TRMT9B: variants seen among roughly 807,000 people sequenced by gnomAD.
TRMT9B encodes probable tRNA methyltransferase 9B.
Under a neutral mutation model 11.5 loss-of-function variants are expected in TRMT9B, and 16 were observed. The ratio of observed to expected loss-of-function variants is 1.39; its 90% confidence interval spans 0.94 to 2.11. The LOEUF is 2.11. Among genes scored for constraint, TRMT9B ranks in the 30% most tolerant of loss-of-function variants. The pLI, the probability that TRMT9B is intolerant of heterozygous loss-of-function variation, is 0.00. For synonymous variants in TRMT9B, 274 were observed against 192.4 expected (o/e 1.42, Z -3.51); for missense variants, 941 against 553.8 (o/e 1.70, Z -7.02).
chr8:13,021,860 C>G lies in TRMT9B; in HGVS notation c.1181C>G (p.Ser394Cys), dbSNP rs1813996134. 2 of 1,613,752 alleles carry G rather than the reference C, an allele frequency of 1.2e-6. No homozygotes were observed. The highest frequency in any genetic ancestry group is 1.7e-6 in the Non-Finnish European group (2 of 1,179,860). Residue 394 changes from serine to cysteine, a missense_variant, in exon 5 of 5, where the codon TCT becomes TGT. Ser to Cys is a moderately radical substitution (Grantham distance 112). Coordinates refer to ENST00000524591, the MANE Select transcript of TRMT9B (RefSeq NM_020844.3). ...GATTTCAACCCAGATGATACAATGT[C>G]TGTCGAAGATCCACAGACTGATGTT... is the stretch of plus-strand genomic sequence containing the variant. ...STDFNPDDTM[S>C]VEDPQTDVLD...
chr8:13,018,317 A>G (rs918104355), intron 4 of TRMT9B, among the ~76,000 whole-genome samples: 3 of 148,716 alleles, frequency 2.0e-5, no homozygotes, highest in Non-Finnish European at 4.5e-5. Context: ...GAGGAGAATC[A>G]CCTGAACTCA....
chr8:12,952,300 G>A (rs753309181), intron 1 of TRMT9B: 6 of 371,644 alleles, frequency 1.6e-5, no homozygotes, highest in East Asian at 2.1e-4. Flanking sequence ...AGGGAGGAGG[G>A]GGCGCGACAG....
intron 4 of TRMT9B, among the ~76,000 whole-genome samples, chr8:13,016,998 C>A (rs1470757322): frequency 6.6e-6 from 1 of 151,358 alleles, no homozygotes; most frequent in African/African-American, 2.4e-5. Context: ...GTAGTGCATG[C>A]CTGTAATCTC....
At chr8:13,003,689 C>A (rs538835603) in intron 2 of TRMT9B, among the ~76,000 whole-genome samples, 1 of 151,602 alleles carries the variant, frequency 6.6e-6, no homozygotes, top group African/African-American at 2.4e-5. Flanking sequence ...TATAAAATGC[C>A]TCTGAAGAAG....
intron 4 of TRMT9B, among the ~76,000 whole-genome samples, chr8:13,019,049 C>T (rs10109178): frequency 1.3e-5 from 2 of 151,598 alleles, no homozygotes; most frequent in Admixed American, 6.6e-5. Flanking sequence ...CAAGTTGCCC[C>T]TCTGCATTCG....
chr8:13,006,528 T>G (rs1186031021), intron 3 of TRMT9B, 172 bp downstream of exon 3: 3 of 1,442,032 alleles, frequency 2.1e-6, no homozygotes, highest in Non-Finnish European at 1.8e-6. Flanking sequence ...CCTTTGCTTT[T>G]CACATTGATT....
Position 13,027,089 on chromosome 8 carries a change from G to T in TRMT9B, c.*5045G>T, listed in dbSNP as rs1176394666. The T allele has an allele frequency of 6.0e-6, 1 of 166,964 alleles. No homozygotes were observed. The highest frequency in any genetic ancestry group is 1.5e-5 in the Non-Finnish European group (1 of 68,116). The allele number at this position is 166,964 out of a possible 1,614,324, so 10.3% of individuals were successfully genotyped here. On this transcript the variant is annotated 3_prime_UTR_variant, in exon 5 of 5. Coordinates refer to ENST00000524591, the MANE Select transcript of TRMT9B (RefSeq NM_020844.3). ...ATATTATTGTTTTCCCATTTTATAA[G>T]TAAGGCAACTGAGGACTATTCAGAT...
intron 1 of TRMT9B, among the ~76,000 whole-genome samples, chr8:12,970,931 C>G (rs1223698425): frequency 6.6e-6 from 1 of 152,198 alleles, no homozygotes; most frequent in Non-Finnish European, 1.5e-5. Context: ...TCTATGAAGG[C>G]TCAGTCTTAA....
At position 13,006,655 on chromosome 8, in the gene TRMT9B, T is replaced by C. The variant is rs559961804; in HGVS notation, c.154+299T>C. Reference sequence around the variant, plus strand: ...CAAGTCAGCAGCAAGTAAAAAACTTTCTCAAACTTTTATTTTATTTTTATT... The same window carrying C: ...CAAGTCAGCAGCAAGTAAAAAACTTCCTCAAACTTTTATTTTATTTTTATT... On this transcript the variant is annotated intron_variant, in intron 3 of 4. Transcript: ENST00000524591. The C allele has an allele frequency of 1.5e-3, 1,964 of 1,349,288 alleles. 2 individuals are homozygous for C. Among genetic ancestry groups the C allele is most frequent in the Admixed American group, 2.3e-3 (70 of 31,052 alleles). 83.6% of individuals were successfully genotyped at this position (1,349,288 alleles called of 1,614,324 possible). A position where few individuals can be genotyped will look rare whatever the true frequency, so the allele number is the denominator to read the frequency against.
chr8:13,025,903 A>G lies in TRMT9B; in HGVS notation c.*3859A>G, dbSNP rs996850569. 14 of 166,864 alleles carry G rather than the reference A, an allele frequency of 8.4e-5. No individual in the cohort carries two copies. Among genetic ancestry groups the G allele is most frequent in the East Asian group, 7.7e-4 (4 of 5,202 alleles). The allele number at this position is 166,864 out of a possible 1,614,324, so 10.3% of individuals were successfully genotyped here. A position where few individuals can be genotyped will look rare whatever the true frequency, so the allele number is the denominator to read the frequency against. ...GTGACCATCAATTCAATAGGCAAAA[A>G]TTTGGAGTAATCCAGAGAAAAAACC... On this transcript the variant is annotated 3_prime_UTR_variant, in exon 5 of 5. Transcript: ENST00000524591.
chr8:12,997,778 C>A (rs1808630601), intron 2 of TRMT9B, among the ~76,000 whole-genome samples: 1 of 152,130 alleles, frequency 6.6e-6, no homozygotes, highest in South Asian at 2.1e-4. Context: ...AGTGGGGTTG[C>A]TGGGCCATAG....
chr8:13,010,742 C>G (rs1388472806), intron 3 of TRMT9B: 1 of 983,996 alleles, frequency 1.0e-6, no homozygotes, highest in Non-Finnish European at 1.2e-6. Context: ...TCCCTCGAGC[C>G]AATGAAAAAG....
intron 2 of TRMT9B, among the ~76,000 whole-genome samples, chr8:13,001,788 G>C (rs188993356): frequency 3.9e-5 from 6 of 152,268 alleles, no homozygotes; most frequent in African/African-American, 1.2e-4. Context: ...CACAATGTGA[G>C]GCTTTAAGTA....
At chr8:12,973,856 T>C (rs957611397) in intron 1 of TRMT9B, among the ~76,000 whole-genome samples, 6 of 152,142 alleles carry the variant, frequency 3.9e-5, no homozygotes, top group African/African-American at 4.8e-5. Flanking sequence ...TTCACGCCAG[T>C]GCCAGTCGAA....
At chr8:12,972,554 C>T (rs1016938659) in intron 1 of TRMT9B, among the ~76,000 whole-genome samples, 2 of 152,158 alleles carry the variant, frequency 1.3e-5, no homozygotes, top group African/African-American at 4.8e-5. Context: ...GGAGCCGGTC[C>T]CCTCTCCCAC....
intron 1 of TRMT9B, among the ~76,000 whole-genome samples, chr8:12,957,682 G>A (rs1417095271): frequency 6.6e-6 from 1 of 152,096 alleles, no homozygotes; most frequent in African/African-American, 2.4e-5. Flanking sequence ...GGGGTGACCA[G>A]GACTTAATGG....
chr8:12,952,428 A>G, intron 1 of TRMT9B: 1 of 305,932 alleles, frequency 3.3e-6, no homozygotes, highest in Non-Finnish European at 6.6e-6. Context: ...ACAGCCTTGC[A>G]ATACGATCAA....
chr8:12,983,635 A>G (rs1295682228), intron 1 of TRMT9B, among the ~76,000 whole-genome samples: 1 of 152,152 alleles, frequency 6.6e-6, no homozygotes, highest in Non-Finnish European at 1.5e-5. Flanking sequence ...GTGTCACTGC[A>G]CTCTAGCCTG....
At chr8:12,971,468 T>C (rs1352739502) in intron 1 of TRMT9B, among the ~76,000 whole-genome samples, 1 of 152,212 alleles carries the variant, frequency 6.6e-6, no homozygotes. Context: ...GTTTAACATA[T>C]TGTATTGGTG....
Sources: allele counts gnomAD v4.1 joint callset (sites outside exome capture counted in the v4.1 genomes callset), GRCh38; gene constraint gnomAD v4.1.1; transcripts MANE v1.5; gene names NCBI Gene and HGNC (gene_info 2026-07-23, HGNC 2026-07-21).